The following NCR1 variants were observed in gnomAD, a reference collection of about 807,000 sequenced individuals.
The protein encoded by NCR1 is NK cell-activating receptor.
A neutral mutation model predicts 32.5 loss-of-function variants in NCR1; 30 were observed. The observed-to-expected ratio is 0.92, with a 90% CI of 0.69 to 1.25. The LOEUF (loss-of-function observed/expected upper bound fraction) is 1.25. Ranked by LOEUF, NCR1 falls within the 50% of genes most tolerant of loss-of-function variation. The probability of loss-of-function intolerance (pLI) is 0.00; values close to 1 mark genes in which losing one functional copy is unlikely to be tolerated. For synonymous variants in NCR1, 169 were observed against 143.4 expected (o/e 1.18, Z -1.28); for missense variants, 369 against 380.7 (o/e 0.97, Z 0.26).
chr19:54,918,878 GGA>G (rs1445348750), downstream of NCR1, among the ~76,000 whole-genome samples: 1 of 151,936 alleles, frequency 6.6e-6, no homozygotes, highest in African/African-American at 2.4e-5. Context: ...CAGCTACTAG[GGA>G]GGCTGAGGTT....
At chr19:54,914,930 G>A (rs775833), downstream of NCR1, among the ~76,000 whole-genome samples, 19,858 of 151,730 alleles carry the variant, frequency 0.13, 3,105 homozygotes, top group African/African-American at 0.37. Context: ...TTTAGTAGAG[G>A]TAGGGTTTCA....
chr19:54,902,302 ATT>A (rs772490924), upstream of NCR1, among the ~76,000 whole-genome samples: 2 of 144,518 alleles, frequency 1.4e-5, no homozygotes, highest in South Asian at 2.2e-4. Context: ...GAAATTACAG[ATT>A]TTTTTTTTTT....
intron 5 of NCR1, 123 bp downstream of exon 5, chr19:54,910,188 G>A: frequency 1.1e-6 from 1 of 951,332 alleles, no homozygotes; most frequent in Non-Finnish European, 1.6e-6. Context: ...TGTAATCCCA[G>A]CACTTTGGGA....
chr19:54,905,564 G>A (rs587647441), upstream of NCR1, among the ~76,000 whole-genome samples: 1 of 152,248 alleles, frequency 6.6e-6, no homozygotes, highest in East Asian at 1.9e-4. Context: ...AGAAAAATAT[G>A]TTTTACGACT....
At chr19:54,928,932 A>G in the NCR1 span, among the ~76,000 whole-genome samples, 1 of 152,040 alleles carries the variant, frequency 6.6e-6, no homozygotes, top group South Asian at 2.1e-4. Context: ...CCTCCCGAGA[A>G]TCTAGGATTA....
At chr19:54,903,485 T>C (rs587605700), upstream of NCR1, among the ~76,000 whole-genome samples, 6 of 145,272 alleles carry the variant, frequency 4.1e-5, no homozygotes, top group South Asian at 1.1e-3. Context: ...TACATGTATG[T>C]ATATACATAT....
the NCR1 span, chr19:54,938,208 C>A: frequency 6.2e-7 from 1 of 1,613,964 alleles, no homozygotes; most frequent in Non-Finnish European, 8.5e-7. Context: ...GAAGATCCTG[C>A]CGAGCCCAGT....
At chr19:54,923,735 G>A in the NCR1 span, 1,723 of 1,612,552 alleles carry the variant, frequency 1.1e-3, 24 homozygotes, top group African/African-American at 0.02. Flanking sequence ...GCGATCCCAG[G>A]CTGCTCAGCA....
At chr19:54,899,750 G>C in the NCR1 span, among the ~76,000 whole-genome samples, 4 of 152,048 alleles carry the variant, frequency 2.6e-5, no homozygotes, top group East Asian at 1.9e-4. Flanking sequence ...TTGCCACTAA[G>C]GGTGAAGGAC....
At position 54,909,255 on chromosome 19, in the gene NCR1, C is replaced by T. The variant is rs1480177953; in HGVS notation, c.366C>T (p.Asp122=). The change falls in exon 4 of 7, where the codon GAC becomes GAT. Residue 122 remains aspartate (D), a synonymous_variant. Coordinates refer to ENST00000291890, the MANE Select transcript of NCR1 (RefSeq NM_004829.7). Reference sequence around the variant, plus strand: ...CACCTTCTCTCATAGAAATGTATGACACACCCACCCTCTCGGTTCATCCTG... The same window carrying T: ...CACCTTCTCTCATAGAAATGTATGATACACCCACCCTCTCGGTTCATCCTG... The part of the protein sequence containing the change: ...LLDLVVTEMY[D]TPTLSVHPGP... The T allele has an allele frequency of 3.1e-6, 5 of 1,611,470 alleles. No individual in the cohort carries two copies. In the African/African-American group the frequency reaches 4.0e-5, roughly 13 times the overall value.
intron 2 of NCR1, 57 bp downstream of exon 2, chr19:54,906,391 C>T: frequency 6.2e-7 from 1 of 1,607,472 alleles, no homozygotes; most frequent in Non-Finnish European, 8.5e-7. Context: ...CAAGCTCCTT[C>T]CACCCAAGCA....
At chr19:54,931,479 C>T in the NCR1 span, among the ~76,000 whole-genome samples, 1 of 152,028 alleles carries the variant, frequency 6.6e-6, no homozygotes, top group Admixed American at 6.6e-5. Flanking sequence ...CACCTGAGGT[C>T]GGGAGTTCAA....
the NCR1 span, among the ~76,000 whole-genome samples, chr19:54,932,006 C>A: frequency 6.6e-6 from 1 of 152,094 alleles, no homozygotes; most frequent in Non-Finnish European, 1.5e-5. Context: ...TTCACTTTCC[C>A]TGTCATTTTA....
chr19:54,934,575 A>T, the NCR1 span: 1 of 1,614,114 alleles, frequency 6.2e-7, no homozygotes, highest in Non-Finnish European at 8.5e-7. This position sits in a 1 kb window ranked among gnomAD's most constrained non-coding sequence, Gnocchi z 6.7. Flanking sequence ...TGGCTGAGAG[A>T]CGCAGGTGCT....
downstream of NCR1, among the ~76,000 whole-genome samples, chr19:54,915,347 T>C (rs928016707): frequency 1.3e-5 from 2 of 152,136 alleles, no homozygotes; most frequent in African/African-American, 2.4e-5. Context: ...CTTCTACTTA[T>C]CAACCCATTT....
chr19:54,934,576 C>A, the NCR1 span: 91 of 1,614,080 alleles, frequency 5.6e-5, 1 homozygote, highest in Admixed American at 9.2e-4. The surrounding 1 kb of genome is among the most constrained non-coding windows in gnomAD (Gnocchi z 6.7). Flanking sequence ...GGCTGAGAGA[C>A]GCAGGTGCTT....
At chr19:54,908,305 G>C (rs2067742793) in intron 3 of NCR1, among the ~76,000 whole-genome samples, 1 of 152,138 alleles carries the variant, frequency 6.6e-6, no homozygotes, top group Non-Finnish European at 1.5e-5. Context: ...GGGGTTGGGG[G>C]TAAGGTCATA....
the NCR1 span, chr19:54,930,657 T>C: frequency 9.9e-6 from 16 of 1,613,426 alleles, no homozygotes; most frequent in Non-Finnish European, 1.4e-5. Context: ...TTATGCTGCA[T>C]TGCTGTAACC....
At chr19:54,902,322 C>T, upstream of NCR1, among the ~76,000 whole-genome samples, 1 of 150,790 alleles carries the variant, frequency 6.6e-6, no homozygotes, top group Non-Finnish European at 1.5e-5. Context: ...TTTTTATAGA[C>T]AGGGTAACAC....
Sources: allele counts gnomAD v4.1 joint callset (sites outside exome capture counted in the v4.1 genomes callset), GRCh38; gene constraint gnomAD v4.1.1; non-coding constraint Gnocchi (gnomAD v3.1); transcripts MANE v1.5; gene names NCBI Gene and HGNC (gene_info 2026-07-23, HGNC 2026-07-21).